The following KLC1 variants were observed in gnomAD, a reference collection of about 807,000 sequenced individuals.
KLC1 encodes kinesin 2 60/70kDa.
KLC1 carries 30 observed loss-of-function variants against 84.2 expected under a neutral mutation model. The ratio of observed to expected loss-of-function variants is 0.36; its 90% CI spans 0.27 to 0.48. The LOEUF is 0.48. Ranked by LOEUF, KLC1 falls within the 20% of genes least tolerant of loss-of-function variation. The probability of loss-of-function intolerance (pLI) is 0.99; values close to 1 mark genes in which losing one functional copy is unlikely to be tolerated. For missense variants in KLC1, 499 were observed against 805.4 expected, an observed-to-expected ratio of 0.62 and a Z score of 4.60; for synonymous variants, 289 against 293.3, an observed-to-expected ratio of 0.99 and a Z score of 0.15.
intron 1 of KLC1, among the ~76,000 whole-genome samples, chr14:103,643,779 T>C (rs1477396628): frequency 1.3e-5 from 2 of 151,664 alleles, no homozygotes; most frequent in African/African-American, 2.4e-5. Flanking sequence ...AATACAAAAA[T>C]TAGCCTGGCG....
chr14:103,679,959 T>G (rs1011346440), intron 13 of KLC1, among the ~76,000 whole-genome samples: 1 of 152,236 alleles, frequency 6.6e-6, no homozygotes, highest in Non-Finnish European at 1.5e-5. Flanking sequence ...GTTGAAATGC[T>G]TTAAAGGGAG....
intron 15 of KLC1, chr14:103,696,859 G>A (rs577210732): frequency 1.6e-5 from 15 of 962,162 alleles, no homozygotes; most frequent in Non-Finnish European, 1.8e-5. Flanking sequence ...AGGGCGTGGT[G>A]CCTCCCTAAG....
intron 14 of KLC1, among the ~76,000 whole-genome samples, chr14:103,691,720 C>T (rs2082130227): frequency 6.6e-6 from 1 of 151,986 alleles, no homozygotes; most frequent in Non-Finnish European, 1.5e-5. Context: ...CTGCCCGCCT[C>T]AGCCTCCCAA....
intron 1 of KLC1, among the ~76,000 whole-genome samples, chr14:103,648,762 C>G (rs2078155362): frequency 6.6e-6 from 1 of 152,090 alleles, no homozygotes; most frequent in South Asian, 2.1e-4. Context: ...GATCATGCCA[C>G]TGCACTTCAG....
intron 11 of KLC1, among the ~76,000 whole-genome samples, chr14:103,676,612 A>G (rs1376273626): frequency 6.6e-6 from 1 of 151,872 alleles, no homozygotes; most frequent in African/African-American, 2.4e-5. Flanking sequence ...CCATTCATCT[A>G]TTTTCAGAAA....
In KLC1 at chr14:103,684,368, G is replaced by A. The variant is rs560556217; in HGVS notation, c.1651-2713G>A. On this transcript the variant is annotated intron_variant, in intron 13 of 16. Transcript: ENST00000334553. ...ATATTCTTTCCCAGTAATATAAAGAGGTAGACAGTTTCTTAAGCTGTTAGA... is the reference window on the plus strand; with the variant it reads ...ATATTCTTTCCCAGTAATATAAAGAAGTAGACAGTTTCTTAAGCTGTTAGA... Among the ~76,000 whole-genome samples the A allele has an allele frequency of 1.4e-4, 21 of 152,318 alleles. No individual in the cohort carries two copies. In the East Asian group the frequency reaches 3.9e-3, roughly 28 times the overall value.
intron 15 of KLC1, chr14:103,699,626 A>C (rs1405731477): frequency 1.9e-6 from 3 of 1,591,886 alleles, no homozygotes. Flanking sequence ...TCCCCGCCCC[A>C]GGTGACCAGA....
intron 14 of KLC1, among the ~76,000 whole-genome samples, chr14:103,691,294 G>C (rs200671207): frequency 1.3e-5 from 2 of 151,516 alleles, no homozygotes; most frequent in East Asian, 3.9e-4. Flanking sequence ...GAGTAGCTGG[G>C]ATTACAGGTG....
Position 103,695,952 on chromosome 14 carries a change from C to T in KLC1, c.1848+3527C>T, listed in dbSNP as rs1275766117. On this transcript the variant is annotated intron_variant, in intron 15 of 16. Transcript: ENST00000334553. ...GTGATTTCAGCCATTTCCCATCTGG[C>T]GGTCTGAATTTTTCCCTTCAGAGGA... 1.1e-5 allele frequency: 11 copies of T among 985,284 alleles called. No individual in the cohort carries two copies. The Admixed American group carries it at 4.3e-4, about 39-fold the overall frequency. 61.0% of individuals were successfully genotyped at this position (985,284 alleles called of 1,614,324 possible).
chr14:103,659,120 G>C (rs1406493058), intron 3 of KLC1, among the ~76,000 whole-genome samples: 1 of 151,898 alleles, frequency 6.6e-6, no homozygotes, highest in Admixed American at 6.6e-5. Flanking sequence ...TGGGATTACA[G>C]GTGCGTACCG....
chr14:103,643,699 A>G (rs1416906449), intron 1 of KLC1, among the ~76,000 whole-genome samples: 2 of 152,134 alleles, frequency 1.3e-5, no homozygotes, highest in African/African-American at 4.8e-5. Context: ...AGGCCAAGGC[A>G]GGCAGATCAC....
intron 1 of KLC1, among the ~76,000 whole-genome samples, chr14:103,646,811 T>C (rs1474765467): frequency 6.6e-6 from 1 of 152,022 alleles, no homozygotes; most frequent in Non-Finnish European, 1.5e-5. Flanking sequence ...GGGGTCTTGC[T>C]GTCTTGCCTA....
At chr14:103,652,555 G>A (rs1000007370) in intron 1 of KLC1, among the ~76,000 whole-genome samples, 9 of 151,878 alleles carry the variant, frequency 5.9e-5, no homozygotes, top group Non-Finnish European at 7.4e-5. Context: ...GCAGTGGCGC[G>A]ATCTCGGCTC....
chr14:103,633,729 G>T (rs781375224), intron 1 of KLC1, among the ~76,000 whole-genome samples: 43 of 152,056 alleles, frequency 2.8e-4, no homozygotes, highest in African/African-American at 1.0e-3. Context: ...AGCACTTCCA[G>T]GTGCATCTGG....
At chr14:103,684,254 A>G (rs1011154995) in intron 13 of KLC1, among the ~76,000 whole-genome samples, 1 of 152,256 alleles carries the variant, frequency 6.6e-6, no homozygotes, top group African/African-American at 2.4e-5. Flanking sequence ...ATCCTACTGT[A>G]TACAGATAAT....
intron 1 of KLC1, among the ~76,000 whole-genome samples, chr14:103,643,305 C>T (rs1417233487): frequency 6.6e-6 from 1 of 152,106 alleles, no homozygotes; most frequent in African/African-American, 2.4e-5. Flanking sequence ...TGACTTGCTT[C>T]CTAAGAGTAT....
chr14:103,683,388 C>CGTGAGT (rs1567036385), intron 13 of KLC1: 1 of 152,194 alleles, frequency 6.6e-6, no homozygotes, highest in Non-Finnish European at 1.5e-5. Flanking sequence ...CCGCCGTCAC[C>CGTGAGT]GTGAGTCTCA....
chr14:103,671,892 C>G (rs187042445), intron 7 of KLC1, among the ~76,000 whole-genome samples: 1 of 152,208 alleles, frequency 6.6e-6, no homozygotes, highest in Admixed American at 6.5e-5. Context: ...AGGGAGAGCA[C>G]AAAAGTATCA....
chr14:103,696,698 G>A, intron 15 of KLC1: 1 of 985,510 alleles, frequency 1.0e-6, no homozygotes, highest in Non-Finnish European at 1.2e-6. Context: ...CGTGTATTCT[G>A]TTTACAATTA....
Sources: allele counts gnomAD v4.1 joint callset (sites outside exome capture counted in the v4.1 genomes callset), GRCh38; gene constraint gnomAD v4.1.1; transcripts MANE v1.5; gene names NCBI Gene and HGNC (gene_info 2026-07-23, HGNC 2026-07-21).